Variants in SMAD5 observed in about 807,000 individuals in gnomAD.
SMAD5 encodes the protein MAD, mothers against decapentaplegic homolog 5.
SMAD5 carries 9 observed loss-of-function variants against 43.1 expected under a neutral mutation model. That is an observed-to-expected ratio of 0.21 (90% CI 0.13 to 0.36). SMAD5 has a LOEUF of 0.36. Ranked by LOEUF, SMAD5 falls within the 10% of genes least tolerant of loss-of-function variation. SMAD5 has a pLI of 1.00. For missense variants in SMAD5, 348 were observed against 574.0 expected, an observed-to-expected ratio of 0.61 and a Z score of 4.02; for synonymous variants, 190 against 192.4, an observed-to-expected ratio of 0.99 and a Z score of 0.10.
intron 2 of SMAD5, among the ~76,000 whole-genome samples, chr5:136,152,494 T>C (rs1368925703): frequency 1.3e-5 from 2 of 151,902 alleles, no homozygotes; most frequent in Non-Finnish European, 2.9e-5. Flanking sequence ...ATATTGATGC[T>C]AGAATTTTTC....
At chr5:136,146,593 A>G (rs761208541) in intron 1 of SMAD5, among the ~76,000 whole-genome samples, 2 of 151,758 alleles carry the variant, frequency 1.3e-5, no homozygotes, top group African/African-American at 4.8e-5. Context: ...AAATTTTTTC[A>G]TAACCGAGTA....
chr5:136,148,149 A>G (rs1187485474), intron 2 of SMAD5, among the ~76,000 whole-genome samples: 1 of 151,868 alleles, frequency 6.6e-6, no homozygotes, highest in Non-Finnish European at 1.5e-5. Context: ...ATAATGAACA[A>G]ATAATGGATC....
chr5:136,158,718 T>C (rs1753725545), intron 3 of SMAD5, among the ~76,000 whole-genome samples: 1 of 152,006 alleles, frequency 6.6e-6, no homozygotes, highest in Non-Finnish European at 1.5e-5. Flanking sequence ...GCTAATACGG[T>C]GAAACCCCGT....
chr5:136,174,382 A>T lies in SMAD5; in HGVS notation c.1004A>T (p.His335Leu). 6.2e-7 allele frequency: 1 copy of T among 1,613,528 alleles called. No individual in the cohort carries two copies. The highest frequency in any genetic ancestry group is 8.5e-7 in the Non-Finnish European group (1 of 1,179,466). Residue 335 changes from histidine (H) to leucine (L), a missense_variant, in exon 7 of 8, where the codon CAT becomes CTT. This residue lies in a region of SMAD5 where 97 missense variants were observed against 211.8 expected (regional missense o/e 0.46). Transcript: ENST00000545279. ...TGATGTTTGTCTTTTTAAGGTGTTC[A>T]TCTGTACTATGTTGGTGGAGAGGTG... is the stretch of plus-strand genomic sequence containing the variant. Reference protein sequence around the residue: ...NTRRHIGKGVHLYYVGGEVYA... With the variant: ...NTRRHIGKGVLLYYVGGEVYA...
Position 136,181,144 on chromosome 5 carries a change from C to A in SMAD5, c.*3664C>A, listed in dbSNP as rs976661089. The A allele has an allele frequency of 6.6e-6, 1 of 152,068 alleles. No homozygotes were observed. The highest frequency in any genetic ancestry group is 2.4e-5 in the African/African-American group (1 of 41,428). The allele number at this position is 152,068 out of a possible 1,614,324, so 9.4% of individuals were successfully genotyped here. ...TTAGATCTATTTCTTTATACTTTTTCTAATCAATTGCTTAATAGTACTTTG... is the reference window on the plus strand; with the variant it reads ...TTAGATCTATTTCTTTATACTTTTTATAATCAATTGCTTAATAGTACTTTG... On this transcript the variant is annotated 3_prime_UTR_variant, in exon 8 of 8. Transcript: ENST00000545279.
At chr5:136,176,084 A>G (rs1561660207) in intron 7 of SMAD5, among the ~76,000 whole-genome samples, 2 of 152,270 alleles carry the variant, frequency 1.3e-5, no homozygotes, top group East Asian at 3.9e-4. Context: ...TAAATTATAC[A>G]TGCATGTATT....
chr5:136,165,662 A>ATATTTTTTTT (rs1561653930), intron 5 of SMAD5, among the ~76,000 whole-genome samples: 5 of 65,450 alleles, frequency 7.6e-5, no homozygotes, highest in African/African-American at 2.2e-4. Flanking sequence ...GAATCATACA[A>ATATTTTTTTT]TTTTTTTTTT....
At chr5:136,136,757 C>T (rs1006582739) in intron 1 of SMAD5, among the ~76,000 whole-genome samples, 22 of 152,024 alleles carry the variant, frequency 1.4e-4, no homozygotes, top group African/African-American at 3.4e-4. Flanking sequence ...GGTTCAGTGA[C>T]GCGATCTTGA....
At position 136,180,448 on chromosome 5, in the gene SMAD5, GAATT is replaced by G. The variant is rs1401344078; in HGVS notation, c.*2971_*2974del. ...CAGAATAGAATGAAATCTCAGTAAT[GAATT>G]AAAGCAACAAAAAGATATTGATTGG... On this transcript the variant is annotated 3_prime_UTR_variant, in exon 8 of 8. Transcript: ENST00000545279. 1 of 152,002 alleles carries G rather than the reference GAATT, an allele frequency of 6.6e-6. No homozygotes were observed. Among genetic ancestry groups the G allele is most frequent in the East Asian group, 1.9e-4 (1 of 5,194 alleles). The allele number at this position is 152,002 out of a possible 1,614,324, so 9.4% of individuals were successfully genotyped here.
intron 5 of SMAD5, among the ~76,000 whole-genome samples, chr5:136,172,176 C>T (rs888036434): frequency 5.9e-5 from 9 of 152,272 alleles, no homozygotes; most frequent in African/African-American, 1.7e-4. Context: ...CTCAGCCTTA[C>T]GGTATTTTAT....
In SMAD5 at chr5:136,153,815, T is replaced by C; in HGVS notation, c.55T>C (p.Leu19=). 1.2e-6 allele frequency: 2 copies of C among 1,613,564 alleles called. No individual in the cohort carries two copies. The highest frequency in any genetic ancestry group is 1.7e-6 in the Non-Finnish European group (2 of 1,179,692). The change falls in exon 3 of 8, where the codon TTG becomes CTG. Residue 19 remains leucine (L), a synonymous_variant. Transcript: ENST00000545279. ...SFTSPAVKRL[L]GWKQGDEEEK... ...TACTAGTCCAGCAGTAAAGCGATTGTTGGGCTGGAAACAAGGTGATGAGGA... is the reference window on the plus strand; with the variant it reads ...TACTAGTCCAGCAGTAAAGCGATTGCTGGGCTGGAAACAAGGTGATGAGGA...
intron 2 of SMAD5, among the ~76,000 whole-genome samples, chr5:136,150,238 C>CT (rs1753409903): frequency 6.6e-6 from 1 of 151,700 alleles, no homozygotes. Context: ...CAGTCATGAC[C>CT]TTTTCCCAGT....
chr5:136,166,105 T>C (rs1325468966), intron 5 of SMAD5, among the ~76,000 whole-genome samples: 2 of 152,060 alleles, frequency 1.3e-5, no homozygotes, highest in African/African-American at 4.8e-5. Context: ...TTTTTAGATA[T>C]TGACCATTTT....
intron 3 of SMAD5, among the ~76,000 whole-genome samples, chr5:136,159,183 T>C (rs761422644): frequency 6.6e-6 from 1 of 152,226 alleles, no homozygotes; most frequent in Non-Finnish European, 1.5e-5. Context: ...CAAAATGTTA[T>C]ATTTAACTCT....
At chr5:136,164,689 G>A (rs1753937737) in intron 5 of SMAD5, among the ~76,000 whole-genome samples, 1 of 151,912 alleles carries the variant, frequency 6.6e-6, no homozygotes, top group African/African-American at 2.4e-5. Context: ...TCTTAATGAC[G>A]TCTTTTTGAG....
intron 1 of SMAD5, among the ~76,000 whole-genome samples, chr5:136,140,801 C>T (rs1753055936): frequency 6.6e-6 from 1 of 151,158 alleles, no homozygotes. Context: ...GGAATATAAG[C>T]TAAATGAAGA....
At chr5:136,150,921 A>G (rs1353847642) in intron 2 of SMAD5, among the ~76,000 whole-genome samples, 5 of 152,150 alleles carry the variant, frequency 3.3e-5, no homozygotes, top group East Asian at 3.9e-4. Context: ...TGAAAAAGTG[A>G]TACTAGTAAA....
chr5:136,160,995 C>G lies in SMAD5; in HGVS notation c.543C>G (p.Asn181Lys). The change falls in exon 4 of 8, where the codon AAC becomes AAG. Residue 181 changes from asparagine (N) to lysine (K), a missense_variant. Asn to Lys is a moderately conservative substitution (Grantham distance 94). Coordinates refer to ENST00000545279, the MANE Select transcript of SMAD5 (RefSeq NM_005903.7). ...TTCCAGATTCTTTCCACCAGCCCAA[C>G]AACACTCCTTTTCCCTTATCTCCAA... is the stretch of plus-strand genomic sequence containing the variant. ...ATFPDSFHQP[N>K]NTPFPLSPNS... The G allele has an allele frequency of 6.2e-7, 1 of 1,613,918 alleles. No individual in the cohort carries two copies. Among genetic ancestry groups the G allele is most frequent in the South Asian group, 1.1e-5 (1 of 91,066 alleles).
At chr5:136,156,273 T>TA (rs1580780339) in intron 3 of SMAD5, among the ~76,000 whole-genome samples, 1 of 152,176 alleles carries the variant, frequency 6.6e-6, no homozygotes, top group African/African-American at 2.4e-5. Context: ...TAATCATACA[T>TA]ACGCTGTCAC....
Sources: allele counts gnomAD v4.1 joint callset (sites outside exome capture counted in the v4.1 genomes callset), GRCh38; gene constraint gnomAD v4.1.1; regional missense constraint gnomAD v4.1.1; transcripts MANE v1.5; gene names NCBI Gene and HGNC (gene_info 2026-07-23, HGNC 2026-07-21).